Variants in GLI3 observed in about 807,000 individuals in gnomAD.
GLI3 encodes transcription activator GLI3.
Under a neutral mutation model 100.8 loss-of-function variants are expected in GLI3, and 20 were observed. The observed-to-expected ratio is 0.20, with a 90% CI of 0.14 to 0.29. GLI3 has a LOEUF of 0.29. GLI3 is among the 10% of genes least tolerant of loss of function. The probability of loss-of-function intolerance (pLI) is 1.00; values close to 1 mark genes in which losing one functional copy is unlikely to be tolerated. For synonymous variants in GLI3, 938 were observed against 860.5 expected (o/e 1.09, Z -1.58); for missense variants, 2,040 against 2,128.5 (o/e 0.96, Z 0.82).
intron 10 of GLI3, among the ~76,000 whole-genome samples, chr7:41,988,788 T>C (rs530775165): frequency 4.7e-4 from 72 of 152,298 alleles, no homozygotes; most frequent in African/African-American, 1.7e-3. Flanking sequence ...CTAGAAACTA[T>C]AAAAGTGCTC....
intron 3 of GLI3, among the ~76,000 whole-genome samples, chr7:42,110,079 G>A (rs944764262): frequency 6.6e-6 from 1 of 152,146 alleles, no homozygotes; most frequent in African/African-American, 2.4e-5. Flanking sequence ...GATGCCTGAA[G>A]GCGGCCACAG....
Position 41,966,375 on chromosome 7 carries a change from T to C in GLI3, c.2698A>G (p.Thr900Ala). Residue 900 changes from threonine to alanine, a missense_variant, in exon 15 of 15, where the codon ACC becomes GCC. Thr to Ala is a moderately conservative substitution (Grantham distance 58). Coordinates refer to ENST00000395925, the MANE Select transcript of GLI3 (RefSeq NM_000168.6). This position sits in a 1 kb window ranked among gnomAD's most constrained non-coding sequence, Gnocchi z 5.8. The stretch of plus-strand genomic sequence containing the variant: ...TCGCTGGAGCGGCGCGAGGCGTCGG[T>C]GGAGATGGGGTCGTAGGAGTCGGCC... ...SVADSYDPIS[T>A]DASRRSSEAS... 6.2e-7 allele frequency: 1 copy of C among 1,609,094 alleles called. No individual in the cohort carries two copies. The highest frequency in any genetic ancestry group is 1.7e-4 in the Middle Eastern group (1 of 6,054).
At chr7:42,128,748 C>G (rs542999609) in intron 3 of GLI3, among the ~76,000 whole-genome samples, 4 of 151,918 alleles carry the variant, frequency 2.6e-5, no homozygotes, top group Non-Finnish European at 5.9e-5. Flanking sequence ...AGGGTGAGAA[C>G]CAAGACATCA....
At chr7:42,117,575 G>C (rs1388333600) in intron 3 of GLI3, among the ~76,000 whole-genome samples, 1 of 152,212 alleles carries the variant, frequency 6.6e-6, no homozygotes, top group Non-Finnish European at 1.5e-5. Flanking sequence ...AATGGGTGCA[G>C]GAGAGAAGAC....
At chr7:42,031,389 G>A (rs560872852) in intron 7 of GLI3, among the ~76,000 whole-genome samples, 6 of 152,280 alleles carry the variant, frequency 3.9e-5, no homozygotes, top group Non-Finnish European at 7.4e-5. Context: ...CCCAAGCAAC[G>A]TGCTAACACA....
At chr7:42,237,897 GC>G (rs1296560316), upstream of GLI3, 1 of 148,474 alleles carries the variant, frequency 6.7e-6, no homozygotes, top group Non-Finnish European at 1.5e-5. Flanking sequence ...CGGCTGGGAG[GC>G]GGCGCGTCGC....
Position 41,977,619 on chromosome 7 carries a change from T to C in GLI3, c.1751A>G (p.Asn584Ser). 1.2e-6 allele frequency: 2 copies of C among 1,614,230 alleles called. No individual in the cohort carries two copies. Among genetic ancestry groups the C allele is most frequent in the South Asian group, 1.1e-5 (1 of 91,090 alleles). The change falls in exon 12 of 15, where the codon AAC becomes AGC. Residue 584 changes from asparagine to serine, a missense_variant. Coordinates refer to ENST00000395925, the MANE Select transcript of GLI3 (RefSeq NM_000168.6). The part of the protein sequence containing the change: ...KPYVCEHEGC[N>S]KAFSNASDRA... Reference sequence around the variant, plus strand: ...ATCAGAGGCATTTGAGAAAGCCTTGTTGCAACCTTCGTGCTCACAGACGTA... The same window carrying C: ...ATCAGAGGCATTTGAGAAAGCCTTGCTGCAACCTTCGTGCTCACAGACGTA...
chr7:42,228,581 G>C (rs1788631859), intron 1 of GLI3, among the ~76,000 whole-genome samples: 1 of 152,236 alleles, frequency 6.6e-6, no homozygotes. Context: ...GGCCCTGGTT[G>C]CGTTCAGAGG....
At chr7:41,967,034 C>A (rs1160247591) in intron 14 of GLI3, among the ~76,000 whole-genome samples, 1 of 152,222 alleles carries the variant, frequency 6.6e-6, no homozygotes, top group African/African-American at 2.4e-5. Flanking sequence ...CCAGGCAAGT[C>A]CCCAGGCAAA....
intron 1 of GLI3, among the ~76,000 whole-genome samples, chr7:42,253,693 C>A (rs1476651141): frequency 6.6e-6 from 1 of 152,214 alleles, no homozygotes; most frequent in Non-Finnish European, 1.5e-5. Flanking sequence ...GCTTTCTCAT[C>A]TGTAAGGTCC....
chr7:41,971,648 G>A (rs543506705), intron 13 of GLI3, among the ~76,000 whole-genome samples: 1 of 152,184 alleles, frequency 6.6e-6, no homozygotes, highest in African/African-American at 2.4e-5. Context: ...CTGCAGAAGT[G>A]GTCTCCAGTT....
upstream of GLI3, among the ~76,000 whole-genome samples, chr7:42,241,547 C>G (rs1002811601): frequency 6.6e-6 from 1 of 152,234 alleles, no homozygotes; most frequent in African/African-American, 2.4e-5. Flanking sequence ...AGCCTCCCCA[C>G]GCTGACTGGC....
chr7:42,008,589 G>A (rs529499592), intron 10 of GLI3, among the ~76,000 whole-genome samples: 32 of 152,216 alleles, frequency 2.1e-4, no homozygotes, highest in East Asian at 9.7e-4. Context: ...GACTATAGGC[G>A]CAAACCACAC....
chr7:42,129,824 A>G (rs747023338), intron 3 of GLI3, among the ~76,000 whole-genome samples: 45 of 152,056 alleles, frequency 3.0e-4, no homozygotes, highest in Non-Finnish European at 5.6e-4. Flanking sequence ...ACAAAAAAGA[A>G]AAAAGCCCTG....
At chr7:42,142,030 T>G (rs1583593615) in intron 3 of GLI3, among the ~76,000 whole-genome samples, 1 of 152,140 alleles carries the variant, frequency 6.6e-6, no homozygotes, top group South Asian at 2.1e-4. Flanking sequence ...CTAATCACAT[T>G]ATTCCAAAGG....
upstream of GLI3, among the ~76,000 whole-genome samples, chr7:42,264,168 G>A (rs527262275): frequency 1.3e-5 from 2 of 152,178 alleles, no homozygotes; most frequent in Admixed American, 1.3e-4. Flanking sequence ...TTCCCAGTAT[G>A]TCCATTGGCC....
In GLI3 at chr7:41,965,605, G is replaced by C; in HGVS notation, c.3468C>G (p.Thr1156=). 6.2e-7 allele frequency: 1 copy of C among 1,607,612 alleles called. No homozygotes were observed. Among genetic ancestry groups the C allele is most frequent in the Non-Finnish European group, 8.5e-7 (1 of 1,174,808 alleles). Residue 1156 remains threonine, a synonymous_variant, in exon 15 of 15, where the codon ACC becomes ACG. Transcript: ENST00000395925. Reference sequence around the variant, plus strand: ...CTTCGTTCCACTGAATGGGCAGGTCGGTTTTGCTGCCCTCGGGGCAGGGCT... The same window carrying C: ...CTTCGTTCCACTGAATGGGCAGGTCCGTTTTGCTGCCCTCGGGGCAGGGCT... ...LEQPCPEGSK[T]DLPIQWNEVS...
chr7:42,190,019 G>C (rs1051366979), intron 2 of GLI3, among the ~76,000 whole-genome samples: 45 of 135,360 alleles, frequency 3.3e-4, no homozygotes, highest in Non-Finnish European at 4.9e-4. Context: ...CACACACACA[G>C]AGAACTATAT....
At position 42,162,047 on chromosome 7, in the gene GLI3, T is replaced by C. The variant is rs564181888; in HGVS notation, c.125-13579A>G. Among the ~76,000 whole-genome samples, 125 of 152,338 alleles carry C rather than the reference T, an allele frequency of 8.2e-4. 1 individual carries two copies. The highest frequency in any genetic ancestry group is 2.9e-3 in the African/African-American group (121 of 41,580). ...AGGGGAGTAAAAACAGAATGGCTGC[T>C]GCCCTCAAGGCCCACATTACTGATT... On this transcript the variant is annotated intron_variant, in intron 2 of 14. Transcript: ENST00000395925.
Sources: gnomAD v4.1 joint callset for allele counts (sites outside exome capture counted in the v4.1 genomes callset) on GRCh38, gnomAD v4.1.1 for gene constraint, Gnocchi (gnomAD v3.1) non-coding constraint, MANE v1.5 for transcripts, NCBI Gene and HGNC (gene_info 2026-07-23, HGNC 2026-07-21) for gene names.